Variants in CAPN9 observed in about 807,000 individuals in gnomAD.
CAPN9 encodes the protein calpain 9, also known as calpain-9.
A neutral mutation model predicts 92.8 loss-of-function variants in CAPN9; 81 were observed. The observed-to-expected ratio is 0.87, with a 90% CI of 0.73 to 1.05. CAPN9 has a LOEUF of 1.05. CAPN9 is among the 50% of genes least tolerant of loss of function. The probability of loss-of-function intolerance (pLI) is 0.00; values close to 1 mark genes in which losing one functional copy is unlikely to be tolerated. For missense variants in CAPN9, 848 were observed against 866.2 expected (o/e 0.98, Z 0.26); for synonymous variants, 304 against 328.0 (o/e 0.93, Z 0.79).
chr1:230,788,657 G>A (rs541955691), intron 13 of CAPN9, among the ~76,000 whole-genome samples: 19 of 152,284 alleles, frequency 1.2e-4, no homozygotes, highest in Admixed American at 7.8e-4. Flanking sequence ...CCACAGGATC[G>A]GATGGAGAAA....
At chr1:230,785,327 G>A (rs1217144004) in intron 11 of CAPN9, among the ~76,000 whole-genome samples, 2 of 152,192 alleles carry the variant, frequency 1.3e-5, no homozygotes, top group African/African-American at 4.8e-5. Flanking sequence ...TTTGCAGTGT[G>A]AGAAGGACAT....
Position 230,767,654 on chromosome 1 carries a change from A to G in CAPN9, c.650A>G (p.Tyr217Cys), listed in dbSNP as rs757044891. Residue 217 changes from tyrosine (Y) to cysteine (C), a missense_variant, in exon 5 of 20, where the codon TAT becomes TGT. By Grantham distance (194) the Tyr-to-Cys change is radical. Transcript: ENST00000271971. ...ACTAAAGAGGCCCCCGAGAACTTCTATGAGATTCTAGAGAAGGCTTTGAAG... is the reference window on the plus strand; with the variant it reads ...ACTAAAGAGGCCCCCGAGAACTTCTGTGAGATTCTAGAGAAGGCTTTGAAG... ...FQTKEAPENF[Y>C]EILEKALKRG... The G allele has an allele frequency of 2.5e-6, 4 of 1,613,844 alleles. No individual in the cohort carries two copies. Among genetic ancestry groups the G allele is most frequent in the Admixed American group, 1.7e-5 (1 of 59,982 alleles).
intron 8 of CAPN9, 111 bp downstream of exon 8, chr1:230,774,742 T>TCTTTCTTTCTTTC (rs1553260374): frequency 2.5e-5 from 7 of 278,240 alleles, no homozygotes; most frequent in Middle Eastern, 9.7e-4. Context: ...TTTCTTTCTT[T>TCTTTCTTTCTTTC]TTTTTTTTTT....
At position 230,796,697 on chromosome 1, in the gene CAPN9, G is replaced by A. The variant is rs568737557; in HGVS notation, c.1987+1418G>A. Among the ~76,000 whole-genome samples the A allele has an allele frequency of 2.1e-4, 32 of 152,280 alleles. 1 individual carries two copies. The highest frequency in any genetic ancestry group is 6.3e-4 in the African/African-American group (26 of 41,550). On this transcript the variant is annotated intron_variant, in intron 18 of 19. Coordinates refer to ENST00000271971, the MANE Select transcript of CAPN9 (RefSeq NM_006615.3). ...AAAGACCCCTCCTGAAACAGAATCCGTTATTAGACTTACAGGGTGGTCAGA... is the reference window on the plus strand; with the variant it reads ...AAAGACCCCTCCTGAAACAGAATCCATTATTAGACTTACAGGGTGGTCAGA...
chr1:230,759,167 C>T (rs1665452389), intron 2 of CAPN9, among the ~76,000 whole-genome samples: 1 of 152,202 alleles, frequency 6.6e-6, no homozygotes, highest in African/African-American at 2.4e-5. Context: ...TCTGCTCGCC[C>T]AGCCCGTGCT....
chr1:230,778,240 T>C lies in CAPN9; in HGVS notation c.954-733T>C, dbSNP rs115838163. On this transcript the variant is annotated intron_variant, in intron 8 of 19. Coordinates refer to ENST00000271971, the MANE Select transcript of CAPN9 (RefSeq NM_006615.3). Reference sequence around the variant, plus strand: ...TTAGCAAATCCTATAAAATTTACCTTTGGAATGTGTCTCAAATCTGGCCAC... The same window carrying C: ...TTAGCAAATCCTATAAAATTTACCTCTGGAATGTGTCTCAAATCTGGCCAC... Among the ~76,000 whole-genome samples the C allele has an allele frequency of 3.7e-3, 568 of 152,228 alleles. 3 individuals carry two copies. The highest frequency in any genetic ancestry group is 4.8e-3 in the Admixed American group (74 of 15,294).
chr1:230,752,098 C>G (rs149901962), intron 1 of CAPN9, among the ~76,000 whole-genome samples: 3 of 152,288 alleles, frequency 2.0e-5, no homozygotes, highest in African/African-American at 4.8e-5. Flanking sequence ...ACAATGCTCC[C>G]AAGTGCACAT....
intron 3 of CAPN9, among the ~76,000 whole-genome samples, chr1:230,761,438 A>G (rs1352115885): frequency 1.3e-5 from 2 of 152,086 alleles, no homozygotes; most frequent in African/African-American, 4.8e-5. Flanking sequence ...CCAGGCCCGA[A>G]CTTTAAACAC....
At chr1:230,797,410 C>T (rs1668426779) in intron 18 of CAPN9, among the ~76,000 whole-genome samples, 1 of 152,190 alleles carries the variant, frequency 6.6e-6, no homozygotes, top group Non-Finnish European at 1.5e-5. Context: ...TTCTCTAGTG[C>T]CCGGTTCATG....
chr1:230,790,530 C>T (rs1296277579), intron 14 of CAPN9, among the ~76,000 whole-genome samples: 1 of 152,162 alleles, frequency 6.6e-6, no homozygotes, highest in Non-Finnish European at 1.5e-5. Context: ...ATCACTCCAA[C>T]AAGAAACCCT....
intron 1 of CAPN9, chr1:230,752,639 A>T: frequency 2.0e-6 from 2 of 982,834 alleles, no homozygotes; most frequent in East Asian, 1.1e-4. Flanking sequence ...GCATCCGGGA[A>T]CAGCCCTGCC....
At chr1:230,780,761 C>T in intron 11 of CAPN9, 53 bp downstream of exon 11, 5 of 1,455,598 alleles carry the variant, frequency 3.4e-6, no homozygotes, top group Non-Finnish European at 4.8e-6. Flanking sequence ...GGTTTATTCA[C>T]ACAGAAGTCA....
chr1:230,792,847 T>C lies in CAPN9; in HGVS notation c.1792-3T>C, dbSNP rs376988875. The stretch of plus-strand genomic sequence containing the variant: ...CTCAAGGCTTCTGCTCTCCACCCTT[T>C]AGAACCTTTTCCTTCGGTTTGATGC... On this transcript the variant is annotated splice_polypyrimidine_tract_variant and splice_region_variant and intron_variant, in intron 16 of 19. Transcript: ENST00000271971. 17 of 1,613,266 alleles carry C rather than the reference T, an allele frequency of 1.1e-5. No homozygotes were observed. The highest frequency in any genetic ancestry group is 1.4e-5 in the Non-Finnish European group (16 of 1,179,348).
At chr1:230,782,255 A>G (rs1268405598) in intron 11 of CAPN9, among the ~76,000 whole-genome samples, 2 of 152,238 alleles carry the variant, frequency 1.3e-5, no homozygotes, top group African/African-American at 4.8e-5. Context: ...TCAGCTCTGT[A>G]GCTTGGTAAC....
intron 1 of CAPN9, among the ~76,000 whole-genome samples, chr1:230,749,165 G>A (rs1664609793): frequency 6.6e-6 from 1 of 152,222 alleles, no homozygotes; most frequent in Non-Finnish European, 1.5e-5. Flanking sequence ...GGCCCTATCG[G>A]AGTTGGGGTG....
In CAPN9 at chr1:230,747,392, C is replaced by G; in HGVS notation, c.-105C>G. On this transcript the variant is annotated 5_prime_UTR_variant, in exon 1 of 20. Transcript: ENST00000271971. ...AGGTGGAGGTGAGGGCCACTCAGCCCAGTGGCCCTCTGAGCTGTTCCTTCT... is the reference window on the plus strand; with the variant it reads ...AGGTGGAGGTGAGGGCCACTCAGCCGAGTGGCCCTCTGAGCTGTTCCTTCT... 3.1e-6 allele frequency: 3 copies of G among 953,664 alleles called. No individual in the cohort carries two copies. Among genetic ancestry groups the G allele is most frequent in the African/African-American group, 1.6e-5 (1 of 62,336 alleles). The allele number at this position is 953,664 out of a possible 1,614,324, so 59.1% of individuals were successfully genotyped here.
At chr1:230,748,461 T>C (rs1036974728) in intron 1 of CAPN9, among the ~76,000 whole-genome samples, 3 of 152,168 alleles carry the variant, frequency 2.0e-5, no homozygotes, top group Non-Finnish European at 2.9e-5. Flanking sequence ...CGGTTGCTTT[T>C]GGGCAAGGAG....
Position 230,795,930 on chromosome 1 carries a change from T to C in CAPN9, c.1987+651T>C, listed in dbSNP as rs548772593. On this transcript the variant is annotated intron_variant, in intron 18 of 19. Coordinates refer to ENST00000271971, the MANE Select transcript of CAPN9 (RefSeq NM_006615.3). ...TCTGGCGTTTCCATCTTGAAAGTCT[T>C]CACAACTTAGGAGCAGGGGGCCCCG... Among the ~76,000 whole-genome samples the C allele has an allele frequency of 5.9e-5, 9 of 152,020 alleles. No individual in the cohort carries two copies. The East Asian group carries it at 1.7e-3, about 29-fold the overall frequency.
intron 1 of CAPN9, among the ~76,000 whole-genome samples, chr1:230,753,360 C>T (rs1161857135): frequency 6.6e-6 from 1 of 152,216 alleles, no homozygotes. Flanking sequence ...ATTTTAGACA[C>T]TAATGCCACA....
Sources: gnomAD v4.1 joint callset for allele counts (sites outside exome capture counted in the v4.1 genomes callset) on GRCh38, gnomAD v4.1.1 for gene constraint, MANE v1.5 for transcripts, NCBI Gene and HGNC (gene_info 2026-07-23, HGNC 2026-07-21) for gene names.